ZNF43: variants seen among roughly 807,000 people sequenced by gnomAD.
ZNF43 encodes the protein zinc finger protein 43.
In ZNF43, 44 loss-of-function variants were observed where a neutral mutation model predicts 68.4. The ratio of observed to expected loss-of-function variants is 0.64; its 90% CI spans 0.51 to 0.83. The LOEUF (loss-of-function observed/expected upper bound fraction) is 0.83, where lower values mean the gene tolerates loss of function less well. Ranked by LOEUF, ZNF43 falls within the 40% of genes least tolerant of loss-of-function variation. The pLI is 0.00. For missense variants in ZNF43, 896 were observed against 933.2 expected, an observed-to-expected ratio of 0.96 and a Z score of 0.52; for synonymous variants, 308 against 307.8, an observed-to-expected ratio of 1.00 and a Z score of -0.01.
intron 1 of ZNF43, among the ~76,000 whole-genome samples, chr19:21,824,572 C>T (rs2038015789): frequency 6.6e-6 from 1 of 152,070 alleles, no homozygotes; most frequent in African/African-American, 2.4e-5. Context: ...CAAAACCTGG[C>T]CCTGTCTTGT....
chr19:21,806,086 A>G lies in ZNF43; in HGVS notation c.*1521T>C, dbSNP rs1449297048. On this transcript the variant is annotated 3_prime_UTR_variant, in exon 4 of 4. Coordinates refer to ENST00000354959, the MANE Select transcript of ZNF43 (RefSeq NM_003423.4). The stretch of plus-strand genomic sequence containing the variant: ...TTTTGTCACTATAATGCAGAAGAAT[A>G]TTACTCTGAAAACCTATCTCCTGCA... The G allele has an allele frequency of 6.6e-6, 1 of 152,034 alleles. No individual in the cohort carries two copies. The highest frequency in any genetic ancestry group is 1.5e-5 in the Non-Finnish European group (1 of 68,014). 9.4% of individuals were successfully genotyped at this position (152,034 alleles called of 1,614,324 possible).
At chr19:21,842,423 C>T (rs996118129) in intron 1 of ZNF43, among the ~76,000 whole-genome samples, 1 of 135,988 alleles carries the variant, frequency 7.4e-6, no homozygotes, top group Non-Finnish European at 1.6e-5. Context: ...AAAAAAAAAA[C>T]AATAAAATAA....
At chr19:21,846,650 T>C (rs1967974604) in intron 1 of ZNF43, among the ~76,000 whole-genome samples, 2 of 151,986 alleles carry the variant, frequency 1.3e-5, no homozygotes. Flanking sequence ...TGATGCTGGG[T>C]TCACCAATAT....
At chr19:21,839,963 G>C (rs902676360), upstream of ZNF43, 3 of 152,246 alleles carry the variant, frequency 2.0e-5, no homozygotes, top group Admixed American at 2.0e-4. Context: ...ACAGCTAGGT[G>C]CTGGCCCAGT....
upstream of ZNF43, among the ~76,000 whole-genome samples, chr19:21,836,741 T>C (rs1053805041): frequency 1.3e-5 from 2 of 152,238 alleles, no homozygotes; most frequent in Non-Finnish European, 1.5e-5. Flanking sequence ...TGTGGCCCCA[T>C]GCTCAGCTAA....
rs565819220 is a variant in ZNF43 at position 21,821,328 on chromosome 19, T to G, written c.4-2107A>C. 3.5e-4 allele frequency among the ~76,000 whole-genome samples: 53 copies of G among 152,024 alleles called. 2 individuals carry two copies. In the South Asian group the frequency reaches 0.011, roughly 32 times the overall value. On this transcript the variant is annotated intron_variant, in intron 1 of 3. Coordinates refer to ENST00000354959, the MANE Select transcript of ZNF43 (RefSeq NM_003423.4). ...GCCCTGCTATTTTTTTTGTATTTTT[T>G]TTCGTAGAGACGGGGTTTCACCGTG...
exon 1 of ZNF43, chr19:21,852,059 T>G (rs529063372): frequency 4.6e-6 from 5 of 1,090,706 alleles, no homozygotes; most frequent in Non-Finnish European, 5.1e-6. Flanking sequence ...TAGCGGGAGC[T>G]GGAGACAAAG....
intron 2 of ZNF43, 73 bp downstream of exon 2, chr19:21,819,022 A>G (rs1156326860): frequency 2.6e-6 from 4 of 1,542,780 alleles, no homozygotes; most frequent in African/African-American, 1.4e-5. Flanking sequence ...AAATTACCAA[A>G]AAAACAGTCT....
chr19:21,813,796 T>C (rs992505917), intron 3 of ZNF43, among the ~76,000 whole-genome samples: 5 of 152,036 alleles, frequency 3.3e-5, no homozygotes, highest in African/African-American at 1.2e-4. Context: ...AGGTTCTCAC[T>C]TTGTCACCCA....
chr19:21,825,576 G>A (rs979610334), intron 1 of ZNF43, among the ~76,000 whole-genome samples: 2 of 151,062 alleles, frequency 1.3e-5, no homozygotes, highest in African/African-American at 4.9e-5. Flanking sequence ...AGATTTAGTG[G>A]AGCTAAATCT....
rs755121673 is a variant in ZNF43, at chr19:21,809,342, CAT to C, written c.693_694del (p.Cys232Ter). The C allele has an allele frequency of 3.1e-6, 5 of 1,613,786 alleles. No homozygotes were observed. Among genetic ancestry groups the C allele is most frequent in the South Asian group, 1.1e-5 (1 of 91,066 alleles). ...ATTAAAGACTTTGCCACATTCTTCA[CAT>C]GTGTAGGGTTTCTCTCCAGTATTAA... On this transcript the variant is annotated frameshift_variant, in exon 4 of 4. Transcript: ENST00000354959. LOFTEE classifies it high-confidence loss of function.
At chr19:21,841,233 T>A (rs1344372443) in intron 1 of ZNF43, 1 of 152,242 alleles carries the variant, frequency 6.6e-6, no homozygotes, top group Non-Finnish European at 1.5e-5. Context: ...TCATCGCAAC[T>A]GTGAACTGGG....
chr19:21,818,914 C>T (rs549203676), intron 2 of ZNF43, among the ~76,000 whole-genome samples, 181 bp downstream of exon 2: 1 of 151,964 alleles, frequency 6.6e-6, no homozygotes, highest in Admixed American at 6.6e-5. Context: ...GTGGAAAGTT[C>T]AGGTCAAGAT....
Position 21,807,403 on chromosome 19 carries a change from A to T in ZNF43, c.*204T>A. The T allele has an allele frequency of 2.1e-6, 1 of 467,810 alleles. No individual in the cohort carries two copies. Among genetic ancestry groups the T allele is most frequent in the South Asian group, 5.0e-5 (1 of 19,834 alleles). 29.0% of individuals were successfully genotyped at this position (467,810 alleles called of 1,614,324 possible). Reference sequence around the variant, plus strand: ...ATGAGCACATATTAATGGCTTTTCCACATTCTTTGTGTATATACCTTTTTC... The same window carrying T: ...ATGAGCACATATTAATGGCTTTTCCTCATTCTTTGTGTATATACCTTTTTC... On this transcript the variant is annotated 3_prime_UTR_variant, in exon 4 of 4. Coordinates refer to ENST00000354959, the MANE Select transcript of ZNF43 (RefSeq NM_003423.4).
intron 3 of ZNF43, among the ~76,000 whole-genome samples, chr19:21,813,478 A>T (rs373679944): frequency 6.6e-6 from 1 of 152,314 alleles, no homozygotes; most frequent in African/African-American, 2.4e-5. Flanking sequence ...ATGTAATATT[A>T]TTCAGCCTTC....
At chr19:21,836,338 G>A (rs1357708794), upstream of ZNF43, 4 of 1,069,604 alleles carry the variant, frequency 3.7e-6, no homozygotes, top group Non-Finnish European at 4.8e-6. Flanking sequence ...GCTGAAAGAA[G>A]AAAGAATGAC....
intron 1 of ZNF43, among the ~76,000 whole-genome samples, chr19:21,842,306 G>A (rs1302928618): frequency 1.3e-5 from 2 of 151,620 alleles, no homozygotes; most frequent in African/African-American, 4.9e-5. Flanking sequence ...CTACTTGGGA[G>A]GCTGAGGCAG....
intron 1 of ZNF43, among the ~76,000 whole-genome samples, chr19:21,830,027 A>G (rs2038344754): frequency 2.0e-5 from 3 of 152,094 alleles, no homozygotes; most frequent in Non-Finnish European, 4.4e-5. Flanking sequence ...CGAGGTGGGC[A>G]GATCACTTGA....
chr19:21,811,982 C>A, intron 3 of ZNF43: 1 of 398,296 alleles, frequency 2.5e-6, no homozygotes, highest in South Asian at 1.3e-4. Context: ...AAGAAAAGAA[C>A]AGAAAAATTT....
Sources: gnomAD v4.1 joint callset for allele counts (sites outside exome capture counted in the v4.1 genomes callset) on GRCh38, gnomAD v4.1.1 for gene constraint, MANE v1.5 for transcripts, NCBI Gene and HGNC (gene_info 2026-07-23, HGNC 2026-07-21) for gene names.